The following RIPOR3 variants were observed in gnomAD, a reference collection of about 807,000 sequenced individuals.
RIPOR3 encodes the protein RIPOR family member 3.
RIPOR3 carries 95 observed loss-of-function variants against 114.3 expected under a neutral mutation model. The ratio of observed to expected loss-of-function variants is 0.83; its 90% confidence interval spans 0.70 to 0.99. The LOEUF is 0.99. Ranked by LOEUF, RIPOR3 falls within the 50% of genes least tolerant of loss-of-function variation. RIPOR3 has a pLI of 0.00. For synonymous variants in RIPOR3, 575 were observed against 543.8 expected (o/e 1.06, Z -0.80); for missense variants, 1,252 against 1,266.9 (o/e 0.99, Z 0.18).
intron 1 of RIPOR3, among the ~76,000 whole-genome samples, chr20:50,646,839 C>T (rs1045731302): frequency 2.0e-5 from 3 of 151,992 alleles, no homozygotes; most frequent in Non-Finnish European, 2.9e-5. Flanking sequence ...TAATTAATTT[C>T]TTATTTGCCA....
intron 4 of RIPOR3, among the ~76,000 whole-genome samples, chr20:50,614,038 C>A (rs971181164): frequency 1.3e-5 from 2 of 152,060 alleles, no homozygotes; most frequent in African/African-American, 4.8e-5. Flanking sequence ...TTCATTCATT[C>A]ATTCATTCAT....
intron 11 of RIPOR3, 139 bp from the exon 12 acceptor site, chr20:50,604,913 G>C: frequency 9.1e-7 from 1 of 1,095,676 alleles, no homozygotes; most frequent in Non-Finnish European, 1.3e-6. Flanking sequence ...TGTGTGAGGA[G>C]CTCTGCTCTA....
chr20:50,589,652 C>T (rs879861079), intron 20 of RIPOR3, 34 bp downstream of exon 20: 108 of 1,606,130 alleles, frequency 6.7e-5, no homozygotes, highest in Non-Finnish European at 9.0e-5. Flanking sequence ...GCAGGCTTTT[C>T]TATCAGCCAC....
At chr20:50,645,168 C>CA (rs912057577) in intron 1 of RIPOR3, among the ~76,000 whole-genome samples, 7 of 152,034 alleles carry the variant, frequency 4.6e-5, no homozygotes, top group Non-Finnish European at 8.8e-5. Context: ...CAGTAGTTTA[C>CA]AAAAAAATCC....
intron 1 of RIPOR3, among the ~76,000 whole-genome samples, chr20:50,678,654 G>T (rs1340584407): frequency 2.6e-5 from 4 of 152,152 alleles, no homozygotes; most frequent in African/African-American, 9.7e-5. Flanking sequence ...AAGATATTTT[G>T]GCACAACCAC....
chr20:50,621,115 C>T, intron 2 of RIPOR3: 1 of 131,930 alleles, frequency 7.6e-6, no homozygotes. Context: ...TATAGAACAG[C>T]TTGACAAAAA....
At position 50,595,416 on chromosome 20, in the gene RIPOR3, GAA is replaced by G; in HGVS notation, c.2001_2002del (p.Ser668CysfsTer3). ...GCCGACCTTCTCAAAGTCAAGGACA[GAA>G]AGTGTCTCCAGAACGTGCTTTTGCT... is the stretch of plus-strand genomic sequence containing the variant. On this transcript the variant is annotated frameshift_variant, in exon 16 of 22. Transcript: ENST00000327979. LOFTEE classifies it high-confidence loss of function. The G allele has an allele frequency of 1.9e-6, 3 of 1,614,192 alleles. No homozygotes were observed. The South Asian group carries it at 3.3e-5, about 18-fold the overall frequency.
intron 15 of RIPOR3, 35 bp from the exon 16 acceptor site, chr20:50,595,539 G>T: frequency 6.2e-7 from 1 of 1,606,954 alleles, no homozygotes. Flanking sequence ...GATTAGCATG[G>T]AACATGCCCA....
Position 50,602,337 on chromosome 20 carries a change from C to A in RIPOR3, c.1394G>T (p.Gly465Val). 1.9e-6 allele frequency: 3 copies of A among 1,613,886 alleles called. No homozygotes were observed. The highest frequency in any genetic ancestry group is 2.5e-6 in the Non-Finnish European group (3 of 1,179,994). ...LLPEMAHLSGGPFAEQPGWRN... is the reference protein window; with the variant it reads ...LLPEMAHLSGVPFAEQPGWRN... ...CCAGCCAGGCTGCTCTGCAAACGGG[C>A]CTCCAGAGAGGTGGGCCATCTCTGG... The change falls in exon 13 of 22, where the codon GGC (glycine) becomes GTC (valine). Residue 465 changes from glycine to valine, a missense_variant. Transcript: ENST00000327979. This position sits in a 1 kb window ranked among gnomAD's most constrained non-coding sequence, Gnocchi z 4.3.
In RIPOR3 at chr20:50,640,570, C is replaced by T. The variant is rs559496694; in HGVS notation, c.4-9714G>A. Among the ~76,000 whole-genome samples the T allele has an allele frequency of 8.7e-5, 13 of 150,214 alleles. No individual in the cohort carries two copies. In the East Asian group the frequency reaches 2.5e-3, roughly 29 times the overall value. On this transcript the variant is annotated intron_variant, in intron 1 of 21. Transcript: ENST00000327979. ...GAACTCCAAAGCACTCTTCGGCCAACCACTGGTCACTGGAATGAACTGCCC... is the reference window on the plus strand; with the variant it reads ...GAACTCCAAAGCACTCTTCGGCCAATCACTGGTCACTGGAATGAACTGCCC...
chr20:50,637,752 G>T (rs1231682558), intron 1 of RIPOR3, among the ~76,000 whole-genome samples: 12 of 152,030 alleles, frequency 7.9e-5, no homozygotes, highest in Non-Finnish European at 1.3e-4. Context: ...GCGGGCTCCT[G>T]TAATCCCAGC....
At chr20:50,609,518 T>G (rs1409507352) in intron 7 of RIPOR3, 55 bp downstream of exon 7, 1 of 1,436,678 alleles carries the variant, frequency 7.0e-7, no homozygotes, top group African/African-American at 1.4e-5. Flanking sequence ...ATGTCCCCAC[T>G]GCCCGGCCCA....
intron 3 of RIPOR3, among the ~76,000 whole-genome samples, chr20:50,618,160 A>G (rs191843546): frequency 9.3e-5 from 14 of 151,236 alleles, no homozygotes; most frequent in African/African-American, 3.2e-4. Context: ...CCAGCTCCTC[A>G]GAAGTCTGAG....
At chr20:50,614,001 C>T (rs1283208754) in intron 4 of RIPOR3, among the ~76,000 whole-genome samples, 3 of 152,158 alleles carry the variant, frequency 2.0e-5, no homozygotes, top group South Asian at 2.1e-4. Context: ...GATACAGAGA[C>T]GGCCGCTTGT....
At chr20:50,596,696 C>T (rs965176429) in intron 14 of RIPOR3, among the ~76,000 whole-genome samples, 6 of 152,212 alleles carry the variant, frequency 3.9e-5, no homozygotes, top group South Asian at 2.1e-4. Context: ...ACCTGCTGCC[C>T]GACCCACTCA....
intron 2 of RIPOR3, among the ~76,000 whole-genome samples, chr20:50,630,019 G>GT (rs11402855): frequency 0.12 from 18,998 of 152,060 alleles, 4,022 homozygotes; most frequent in African/African-American, 0.43. Context: ...CCAGGCTGGA[G>GT]TGCAGTGGTG....
intron 2 of RIPOR3, among the ~76,000 whole-genome samples, chr20:50,624,843 G>A (rs781531347): frequency 6.6e-6 from 1 of 152,242 alleles, no homozygotes; most frequent in African/African-American, 2.4e-5. Flanking sequence ...GCTGTTGCAA[G>A]TGCAGGCTCT....
chr20:50,588,378 A>G (rs1359700854), intron 20 of RIPOR3, among the ~76,000 whole-genome samples: 1 of 152,230 alleles, frequency 6.6e-6, no homozygotes, highest in Non-Finnish European at 1.5e-5. Context: ...TTCTCCTCTT[A>G]GAATTTCCTG....
chr20:50,595,948 A>G (rs928559262), intron 15 of RIPOR3, among the ~76,000 whole-genome samples, 192 bp downstream of exon 15: 4 of 152,184 alleles, frequency 2.6e-5, no homozygotes, highest in African/African-American at 9.7e-5. Context: ...TGGCCTGTGT[A>G]AGAGCCACAC....
Sources: gnomAD v4.1 joint callset for allele counts (sites outside exome capture counted in the v4.1 genomes callset) on GRCh38, gnomAD v4.1.1 for gene constraint, Gnocchi (gnomAD v3.1) non-coding constraint, MANE v1.5 for transcripts, NCBI Gene and HGNC (gene_info 2026-07-23, HGNC 2026-07-21) for gene names.